ADORA2B: variants seen among roughly 807,000 people sequenced by gnomAD.
ADORA2B encodes adenosine A2b receptor, also known as adenosine receptor A2b.
A neutral mutation model predicts 20.8 loss-of-function variants in ADORA2B; 18 were observed. The ratio of observed to expected loss-of-function variants is 0.87; its 90% CI spans 0.60 to 1.29. The LOEUF (loss-of-function observed/expected upper bound fraction) is 1.29, where lower values mean the gene tolerates loss of function less well. ADORA2B is among the 50% of genes most tolerant of loss of function. ADORA2B has a pLI of 0.00. For missense variants in ADORA2B, 441 were observed against 422.7 expected, an observed-to-expected ratio of 1.04 and a Z score of -0.38; for synonymous variants, 179 against 178.3, an observed-to-expected ratio of 1.00 and a Z score of -0.03.
At chr17:15,918,321 CTT>C in the ADORA2B span, among the ~76,000 whole-genome samples, 1 of 152,180 alleles carries the variant, frequency 6.6e-6, no homozygotes. Flanking sequence ...TTGCTGTGGG[CTT>C]ATATCTTCTT....
chr17:15,962,301 TCAAAA>T (rs1970050757), intron 1 of ADORA2B, among the ~76,000 whole-genome samples: 1 of 152,132 alleles, frequency 6.6e-6, no homozygotes, highest in African/African-American at 2.4e-5. Context: ...AGACTGCGTC[TCAAAA>T]CAAAACAAGA....
At chr17:15,871,970 C>CTG in the ADORA2B span, among the ~76,000 whole-genome samples, 1 of 152,138 alleles carries the variant, frequency 6.6e-6, no homozygotes, top group Admixed American at 6.5e-5. Flanking sequence ...CTGACACAGG[C>CTG]TGCAGTATGA....
the ADORA2B span, among the ~76,000 whole-genome samples, chr17:15,881,912 G>A: frequency 1.3e-5 from 2 of 152,164 alleles, no homozygotes; most frequent in East Asian, 1.9e-4. Context: ...TGTAGCCAGC[G>A]GAGTTAGACC....
intron 1 of ADORA2B, among the ~76,000 whole-genome samples, chr17:15,965,269 TTCTTTGATTA>T: frequency 6.6e-6 from 1 of 152,370 alleles, no homozygotes; most frequent in Admixed American, 6.5e-5. Flanking sequence ...TTCAACATGT[TTCTTTGATTA>T]AGAAGGCAGG....
the ADORA2B span, among the ~76,000 whole-genome samples, chr17:15,922,360 G>A: frequency 6.6e-6 from 1 of 152,022 alleles, no homozygotes; most frequent in Non-Finnish European, 1.5e-5. Flanking sequence ...TTTTCACTTA[G>A]GCAAATGTCT....
the ADORA2B span, among the ~76,000 whole-genome samples, chr17:15,873,426 A>C: frequency 2.6e-5 from 4 of 152,296 alleles, no homozygotes; most frequent in South Asian, 8.3e-4. Context: ...TCTTTACAGC[A>C]AAAGAAATAA....
the ADORA2B span, among the ~76,000 whole-genome samples, chr17:15,867,622 G>A: frequency 6.7e-6 from 1 of 149,300 alleles, no homozygotes; most frequent in Admixed American, 6.6e-5. Context: ...AAGGGAGGCG[G>A]GGGGGTCAGC....
the ADORA2B span, among the ~76,000 whole-genome samples, chr17:15,901,781 T>C: frequency 6.6e-6 from 1 of 152,298 alleles, no homozygotes; most frequent in Non-Finnish European, 1.5e-5. Flanking sequence ...TATTATATTG[T>C]AATTTATCTG....
the ADORA2B span, among the ~76,000 whole-genome samples, chr17:15,866,694 T>TCTGCCGCTGCCGCTGCCG: frequency 6.3e-5 from 9 of 143,792 alleles, no homozygotes; most frequent in African/African-American, 2.4e-4. Flanking sequence ...TCCCTCTGCC[T>TCTGCCGCTGCCGCTGCCG]CTGCCTCTGC....
chr17:15,903,958 C>A, the ADORA2B span, among the ~76,000 whole-genome samples: 1 of 151,972 alleles, frequency 6.6e-6, no homozygotes, highest in Non-Finnish European at 1.5e-5. Flanking sequence ...CTATTCAGAA[C>A]TTTTATTCAT....
chr17:15,953,112 G>A (rs971425073), intron 1 of ADORA2B, among the ~76,000 whole-genome samples: 11 of 152,180 alleles, frequency 7.2e-5, no homozygotes, highest in African/African-American at 2.4e-4. Context: ...TGCAGAGCTG[G>A]GAGTGCAGGG....
intron 1 of ADORA2B, among the ~76,000 whole-genome samples, chr17:15,959,494 A>ATTTTTTTTTTTTTTTTTTTTTTT (rs56097835): frequency 1.3e-5 from 1 of 75,954 alleles, no homozygotes; most frequent in Non-Finnish European, 2.7e-5. Context: ...TCACATTCTG[A>ATTTTTTTTTTTTTTTTTTTTTTT]TTTTTTTTTT....
chr17:15,868,569 G>A, the ADORA2B span, among the ~76,000 whole-genome samples: 7 of 134,696 alleles, frequency 5.2e-5, 1 homozygote, highest in African/African-American at 1.3e-4. Flanking sequence ...TCAGGAGATC[G>A]AGACCATCCT....
chr17:15,968,420 C>T (rs946983353), intron 1 of ADORA2B, among the ~76,000 whole-genome samples: 3 of 152,182 alleles, frequency 2.0e-5, no homozygotes, highest in African/African-American at 7.2e-5. Context: ...ACCATAACAT[C>T]GCAGAGCACA....
intron 1 of ADORA2B, among the ~76,000 whole-genome samples, chr17:15,961,063 A>T (rs1317645865): frequency 6.6e-6 from 1 of 151,264 alleles, no homozygotes; most frequent in Admixed American, 6.6e-5. Context: ...GCTACTCAGG[A>T]GGCTGAGGCA....
chr17:15,874,406 G>T, the ADORA2B span, among the ~76,000 whole-genome samples: 1 of 151,892 alleles, frequency 6.6e-6, no homozygotes, highest in Non-Finnish European at 1.5e-5. Context: ...AAAGTGTCGT[G>T]GCTGGGCACA....
At chr17:15,958,553 C>A (rs1969998564) in intron 1 of ADORA2B, among the ~76,000 whole-genome samples, 1 of 152,200 alleles carries the variant, frequency 6.6e-6, no homozygotes, top group Non-Finnish European at 1.5e-5. Flanking sequence ...CTTGCCCCTA[C>A]TCCCCACCTG....
chr17:15,906,026 TC>T, the ADORA2B span, among the ~76,000 whole-genome samples: 2 of 152,256 alleles, frequency 1.3e-5, no homozygotes, highest in African/African-American at 2.4e-5. Context: ...TTTGGGGTTT[TC>T]TACATAGACA....
chr17:15,928,951 G>A, the ADORA2B span, among the ~76,000 whole-genome samples: 3 of 152,118 alleles, frequency 2.0e-5, no homozygotes, highest in African/African-American at 7.2e-5. Flanking sequence ...GGTTGTTACG[G>A]AAGGAGAGGG....
Sources: allele counts gnomAD v4.1 joint callset (sites outside exome capture counted in the v4.1 genomes callset), GRCh38; gene constraint gnomAD v4.1.1; transcripts MANE v1.5; gene names NCBI Gene and HGNC (gene_info 2026-07-23, HGNC 2026-07-21).